The following LIMCH1 variants were observed in gnomAD, a reference collection of about 807,000 sequenced individuals.
The protein encoded by LIMCH1 is LIM and calponin homology domains 1.
A neutral mutation model predicts 176.5 loss-of-function variants in LIMCH1; 113 were observed. That is an observed-to-expected ratio of 0.64 (90% CI 0.55 to 0.75). The LOEUF is 0.75. LIMCH1 is among the 30% of genes least tolerant of loss of function. The pLI, the probability that LIMCH1 is intolerant of heterozygous loss-of-function variation, is 0.00. For synonymous variants in LIMCH1, 619 were observed against 645.9 expected, an observed-to-expected ratio of 0.96 and a Z score of 0.63; for missense variants, 1,674 against 1,814.9, an observed-to-expected ratio of 0.92 and a Z score of 1.41.
At chr4:41,419,505 A>G (rs539674140) in intron 1 of LIMCH1, among the ~76,000 whole-genome samples, 1 of 151,768 alleles carries the variant, frequency 6.6e-6, no homozygotes, top group African/African-American at 2.4e-5. Context: ...TGCCTACAAT[A>G]ACCCTTTCTC....
chr4:41,462,422 A>G (rs1332036791), intron 1 of LIMCH1, among the ~76,000 whole-genome samples: 1 of 152,226 alleles, frequency 6.6e-6, no homozygotes, highest in African/African-American at 2.4e-5. Context: ...CCTTGAATAG[A>G]TTACAATCCA....
chr4:41,563,621 T>G (rs902652012), intron 1 of LIMCH1, among the ~76,000 whole-genome samples: 4 of 152,200 alleles, frequency 2.6e-5, no homozygotes, highest in African/African-American at 9.6e-5. Context: ...AAACCCAATA[T>G]ACCAATGGCA....
chr4:41,530,821 T>TAA (rs2077197676), intron 3 of LIMCH1, among the ~76,000 whole-genome samples: 1 of 68,082 alleles, frequency 1.5e-5, no homozygotes, highest in Non-Finnish European at 2.4e-5. Context: ...AAAAAAAAAT[T>TAA]TTTTTTTTTT....
rs377356923 is a variant in LIMCH1, at chr4:41,369,225, G to A, written c.96+8289G>A. 1.1e-3 allele frequency among the ~76,000 whole-genome samples: 165 copies of A among 152,222 alleles called. No individual in the cohort carries two copies. In the South Asian group the frequency reaches 0.024, roughly 22 times the overall value. ...AGTCTAACATGGCTGCTGGAGAGTC[G>A]TGATCACATCACCTTTCCAGGAAGC... is the stretch of plus-strand genomic sequence containing the variant. On this transcript the variant is annotated intron_variant, in intron 1 of 26. Transcript: ENST00000313860.
intron 1 of LIMCH1, among the ~76,000 whole-genome samples, chr4:41,546,590 T>C (rs2079441580): frequency 6.6e-6 from 1 of 152,166 alleles, no homozygotes; most frequent in South Asian, 2.1e-4. Context: ...AGTCTCTTTG[T>C]TCCTAAGTCT....
At position 41,472,881 on chromosome 4, in the gene LIMCH1, G is replaced by A. The variant is rs536211410; in HGVS notation, c.97-21655G>A. The A allele has an allele frequency of 3.4e-5, 11 of 324,416 alleles. No individual in the cohort carries two copies. In the South Asian group the frequency reaches 1.4e-3, roughly 40 times the overall value. 20.1% of individuals were successfully genotyped at this position (324,416 alleles called of 1,614,324 possible). ...TTTTTTAAAACGCAGGATTCCCCAAGCTTACTTGACCATGGACCCTTCTTT... is the reference window on the plus strand; with the variant it reads ...TTTTTTAAAACGCAGGATTCCCCAAACTTACTTGACCATGGACCCTTCTTT... On this transcript the variant is annotated intron_variant, in intron 1 of 26. Coordinates refer to the LIMCH1 transcript ENST00000313860.
At chr4:41,419,603 CGT>C (rs2060310022) in intron 1 of LIMCH1, among the ~76,000 whole-genome samples, 1 of 65,418 alleles carries the variant, frequency 1.5e-5, no homozygotes, top group Non-Finnish European at 2.6e-5. Flanking sequence ...TCCTTCCTTC[CGT>C]CCTTCCTTCC....
At chr4:41,379,019 G>GT (rs1331110687) in intron 1 of LIMCH1, among the ~76,000 whole-genome samples, 1 of 152,170 alleles carries the variant, frequency 6.6e-6, no homozygotes, top group Admixed American at 6.5e-5. Context: ...ACTGTTAAAA[G>GT]TTTTTTGATG....
At chr4:41,580,268 A>G (rs907912974) in intron 1 of LIMCH1, among the ~76,000 whole-genome samples, 1 of 152,200 alleles carries the variant, frequency 6.6e-6, no homozygotes, top group Non-Finnish European at 1.5e-5. Context: ...CTTCCCCTGA[A>G]TCATGGCCAC....
intron 13 of LIMCH1, among the ~76,000 whole-genome samples, chr4:41,635,167 TC>T (rs1175244609): frequency 2.6e-5 from 4 of 151,778 alleles, no homozygotes; most frequent in Non-Finnish European, 5.9e-5. Flanking sequence ...AAAACCAGCA[TC>T]CCTCTCCAGC....
At chr4:41,413,742 G>A (rs1007270114) in intron 1 of LIMCH1, among the ~76,000 whole-genome samples, 1 of 152,078 alleles carries the variant, frequency 6.6e-6, no homozygotes, top group African/African-American at 2.4e-5. Flanking sequence ...ATTTAACATG[G>A]CTATTATGCT....
At position 41,646,822 on chromosome 4, in the gene LIMCH1, G is replaced by A. The variant is rs781029389; in HGVS notation, c.2749G>A (p.Ala917Thr). ...TCCAAGCAAAACTGTCACTCCCAAA[G>A]CAGTGCCTATGCTGACACCCAAGCC... is the stretch of plus-strand genomic sequence containing the variant. The part of the protein sequence containing the change: ...GSPSKTVTPK[A>T]VPMLTPKPYS... The change falls in exon 17 of 32, where the codon GCA (alanine) becomes ACA (threonine). Residue 917 changes from alanine (A) to threonine (T), a missense_variant. Physicochemically the swap from Ala to Thr is moderately conservative, Grantham distance 58 (BLOSUM62 0). Coordinates refer to ENST00000503057, the MANE Select transcript of LIMCH1 (RefSeq NM_001330672.2). 3.1e-6 allele frequency: 5 copies of A among 1,614,132 alleles called. No homozygotes were observed. Among genetic ancestry groups the A allele is most frequent in the Non-Finnish European group, 4.2e-6 (5 of 1,180,020 alleles).
intron 10 of LIMCH1, among the ~76,000 whole-genome samples, chr4:41,632,207 C>T (rs1270885628): frequency 6.6e-6 from 1 of 152,148 alleles, no homozygotes; most frequent in Non-Finnish European, 1.5e-5. Flanking sequence ...AACCGGATTG[C>T]CCTGGGAACC....
intron 1 of LIMCH1, among the ~76,000 whole-genome samples, chr4:41,444,315 C>T (rs62411117): frequency 0.027 from 84 of 3,138 alleles, no homozygotes; most frequent in African/African-American, 0.1. Flanking sequence ...TATATATATA[C>T]ACACACACAC....
chr4:41,656,053 G>A (rs112377656), intron 18 of LIMCH1, among the ~76,000 whole-genome samples: 1 of 152,140 alleles, frequency 6.6e-6, no homozygotes, highest in Non-Finnish European at 1.5e-5. Flanking sequence ...CCCTCATTGA[G>A]CAAGGGCCAA....
At position 41,613,623 on chromosome 4, in the gene LIMCH1, C is replaced by T. The variant is rs1561923180; in HGVS notation, c.167C>T (p.Thr56Met). The T allele has an allele frequency of 4.3e-6, 7 of 1,614,160 alleles. No individual in the cohort carries two copies. The highest frequency in any genetic ancestry group is 3.4e-6 in the Non-Finnish European group (4 of 1,180,028). The change falls in exon 5 of 32, where the codon ACG (threonine) becomes ATG (methionine). Residue 56 changes from threonine (T) to methionine (M), a missense_variant. Thr to Met is a moderately conservative substitution (Grantham distance 81). Around this residue, in one of 3 missense-constraint regions of LIMCH1, gnomAD observed 655 missense variants for 692.2 expected, o/e 0.95. Coordinates refer to ENST00000503057, the MANE Select transcript of LIMCH1 (RefSeq NM_001330672.2). ...LDSFGSRSRQ[T>M]PSPDVVLRGS... ...TCCTTTGGCTCTCGCTCTCGGCAGA[C>T]GCCTTCACCAGATGTAGTCCTCAGG...
At chr4:41,610,968 T>A (rs949170991) in intron 4 of LIMCH1, among the ~76,000 whole-genome samples, 2 of 152,206 alleles carry the variant, frequency 1.3e-5, no homozygotes, top group Non-Finnish European at 2.9e-5. Flanking sequence ...AAGACGTAAC[T>A]CTGAAAGGAA....
intron 2 of LIMCH1, among the ~76,000 whole-genome samples, chr4:41,505,925 G>GACACACACACACACACACACAC (rs36212568): frequency 1.8e-4 from 24 of 134,656 alleles, no homozygotes; most frequent in African/African-American, 5.1e-4. Context: ...CTGTGTTTCT[G>GACACACACACACACACACACAC]ACACACACAC....
chr4:41,511,138 T>TC lies in LIMCH1; in HGVS notation c.168-13268dup, dbSNP rs1369752729. 2.6e-5 allele frequency among the ~76,000 whole-genome samples: 4 copies of TC among 152,180 alleles called. No homozygotes were observed. The East Asian group carries it at 7.7e-4, about 29-fold the overall frequency. On this transcript the variant is annotated intron_variant, in intron 2 of 26. Transcript: ENST00000313860. ...AAGTTCCTTTGCCTAGAACGTGGTG[T>TC]CCCTCTGTCTGGGTGCAATGATTCT...
Sources: allele counts gnomAD v4.1 joint callset (sites outside exome capture counted in the v4.1 genomes callset), GRCh38; gene constraint gnomAD v4.1.1; regional missense constraint gnomAD v4.1.1; transcripts MANE v1.5; gene names NCBI Gene and HGNC (gene_info 2026-07-23, HGNC 2026-07-21).